OXCT1: variants seen among roughly 807,000 people sequenced by gnomAD.
OXCT1 encodes succinyl-CoA:3-ketoacid coenzyme A transferase 1, mitochondrial.
In OXCT1, 27 loss-of-function variants were observed where a neutral mutation model predicts 69.6. That is an observed-to-expected ratio of 0.39 (90% CI 0.29 to 0.54). The LOEUF is 0.54. Among genes scored for constraint, OXCT1 ranks in the 20% least tolerant of loss-of-function variants. The pLI is 0.72. For missense variants in OXCT1, 437 were observed against 650.2 expected, an observed-to-expected ratio of 0.67 and a Z score of 3.57; for synonymous variants, 202 against 217.8, an observed-to-expected ratio of 0.93 and a Z score of 0.64.
intron 7 of OXCT1, among the ~76,000 whole-genome samples, chr5:41,810,556 T>C (rs1746925459): frequency 6.6e-6 from 1 of 152,076 alleles, no homozygotes; most frequent in Non-Finnish European, 1.5e-5. Context: ...TACTTGTCTT[T>C]AGTCATTAAC....
chr5:41,806,665 T>C (rs1746695676), intron 8 of OXCT1, among the ~76,000 whole-genome samples: 1 of 152,072 alleles, frequency 6.6e-6, no homozygotes, highest in African/African-American at 2.4e-5. Flanking sequence ...TTCCTTCTGC[T>C]CTGAGTAAAA....
rs73752224 is a variant in OXCT1 at position 41,778,039 on chromosome 5, A to G, written c.1249-15839T>C. ...TATGCCAAACAGATAGTGAATGGCTAAAACATGTACTTGAGTCAAAGCTTA... is the reference window on the plus strand; with the variant it reads ...TATGCCAAACAGATAGTGAATGGCTGAAACATGTACTTGAGTCAAAGCTTA... On this transcript the variant is annotated intron_variant, in intron 13 of 16. Coordinates refer to ENST00000196371, the MANE Select transcript of OXCT1 (RefSeq NM_000436.4). 7.7e-3 allele frequency among the ~76,000 whole-genome samples: 1,176 copies of G among 152,340 alleles called. 11 individuals are homozygous for G. Among genetic ancestry groups the G allele is most frequent in the African/African-American group, 0.027 (1,118 of 41,572 alleles).
At chr5:41,864,998 T>C (rs569150431) in intron 1 of OXCT1, among the ~76,000 whole-genome samples, 3 of 152,150 alleles carry the variant, frequency 2.0e-5, no homozygotes, top group African/African-American at 7.2e-5. Flanking sequence ...AAATCCCACA[T>C]AGAGAGGAAG....
intron 13 of OXCT1, among the ~76,000 whole-genome samples, chr5:41,768,003 T>C (rs995524808): frequency 1.3e-5 from 2 of 152,052 alleles, no homozygotes; most frequent in Admixed American, 6.6e-5. Context: ...TTTCATCATA[T>C]GAACTGCCCC....
In OXCT1 at chr5:41,870,078, C is replaced by T; in HGVS notation, c.78+203G>A. 1.6e-6 allele frequency: 1 copy of T among 626,866 alleles called. No homozygotes were observed. The allele number at this position is 626,866 out of a possible 1,614,324, so 38.8% of individuals were successfully genotyped here. A position where few individuals can be genotyped will look rare whatever the true frequency, so the allele number is the denominator to read the frequency against. On this transcript the variant is annotated intron_variant, in intron 1 of 16. Coordinates refer to ENST00000196371, the MANE Select transcript of OXCT1 (RefSeq NM_000436.4). This position sits in a 1 kb window ranked among gnomAD's most constrained non-coding sequence, Gnocchi z 4.2. ...TCTCGCTCCATCAGGGAAGCGACTGCAGAACCAAGCAAAGGCGGTCATCCG... is the reference window on the plus strand; with the variant it reads ...TCTCGCTCCATCAGGGAAGCGACTGTAGAACCAAGCAAAGGCGGTCATCCG...
intron 11 of OXCT1, among the ~76,000 whole-genome samples, chr5:41,796,765 G>C (rs1446869494): frequency 6.6e-6 from 1 of 152,176 alleles, no homozygotes; most frequent in Non-Finnish European, 1.5e-5. Context: ...GTAAGACGTA[G>C]TGGATTAAAT....
chr5:41,805,526 A>C, intron 9 of OXCT1, 41 bp downstream of exon 9: 1 of 1,348,220 alleles, frequency 7.4e-7, no homozygotes, highest in Non-Finnish European at 1.1e-6. Flanking sequence ...GGGAAAAGCA[A>C]AGGCTATGTC....
chr5:41,737,125 G>T (rs981858159), intron 16 of OXCT1, among the ~76,000 whole-genome samples: 1 of 152,146 alleles, frequency 6.6e-6, no homozygotes, highest in African/African-American at 2.4e-5. Context: ...GCCATTGATC[G>T]TCAGATGCTC....
intron 13 of OXCT1, among the ~76,000 whole-genome samples, chr5:41,777,601 T>C (rs940572801): frequency 2.6e-5 from 4 of 152,202 alleles, no homozygotes; most frequent in African/African-American, 9.7e-5. Flanking sequence ...TCTTTCTTAT[T>C]GTTCCTAATC....
chr5:41,742,814 T>A (rs1331071802), intron 15 of OXCT1, among the ~76,000 whole-genome samples: 2 of 152,228 alleles, frequency 1.3e-5, no homozygotes, highest in Admixed American at 1.3e-4. Flanking sequence ...GAACTCATCC[T>A]TTTTTATGGC....
At position 41,731,730 on chromosome 5, in the gene OXCT1, C is replaced by A; in HGVS notation, c.1562G>T (p.Ter521LeuextTer20). The A allele has an allele frequency of 6.2e-7, 1 of 1,607,776 alleles. No individual in the cohort carries two copies. Among genetic ancestry groups the A allele is most frequent in the South Asian group, 1.1e-5 (1 of 89,758 alleles). Reference sequence around the variant, plus strand: ...CAGCCTGGTACAAATATCCATATTTCAATTTGCGATCTGCTGCATTGGCAT... The same window carrying A: ...CAGCCTGGTACAAATATCCATATTTAAATTTGCGATCTGCTGCATTGGCAT... ...KLMPMQQIAN[*>L] The change falls in exon 17 of 17, where the codon TGA becomes TTA. Residue 521 changes from the stop codon to leucine, a stop_lost. Coordinates refer to ENST00000196371, the MANE Select transcript of OXCT1 (RefSeq NM_000436.4).
rs866402382 is a variant in OXCT1, at chr5:41,847,503, T to C, written c.564+2527A>G. Among the ~76,000 whole-genome samples, 1,185 of 152,034 alleles carry C rather than the reference T, an allele frequency of 7.8e-3. 26 individuals are homozygous for C. The highest frequency in any genetic ancestry group is 0.027 in the African/African-American group (1,107 of 41,454). On this transcript the variant is annotated intron_variant, in intron 5 of 16. Transcript: ENST00000196371. ...AAAAGAGAATTTTAGACCAATATCCTTGATGAACATTGATGCAAAAATCCT... is the reference window on the plus strand; with the variant it reads ...AAAAGAGAATTTTAGACCAATATCCCTGATGAACATTGATGCAAAAATCCT...
chr5:41,753,569 G>C (rs924883122), intron 14 of OXCT1, among the ~76,000 whole-genome samples: 1 of 152,014 alleles, frequency 6.6e-6, no homozygotes, highest in African/African-American at 2.4e-5. Flanking sequence ...ATCTTCCCTA[G>C]GAAAACCTTC....
At chr5:41,858,683 T>C (rs1014162922) in intron 3 of OXCT1, among the ~76,000 whole-genome samples, 1 of 152,254 alleles carries the variant, frequency 6.6e-6, no homozygotes, top group African/African-American at 2.4e-5. Flanking sequence ...ATCTGAAATT[T>C]AATTTGCTGA....
intron 7 of OXCT1, among the ~76,000 whole-genome samples, chr5:41,820,356 A>T (rs78070099): frequency 0.023 from 3,508 of 152,268 alleles, 133 homozygotes; most frequent in African/African-American, 0.08. Context: ...ATGATTTCGC[A>T]ATACTTTCCA....
At chr5:41,814,654 T>A (rs1747144538) in intron 7 of OXCT1, among the ~76,000 whole-genome samples, 1 of 141,560 alleles carries the variant, frequency 7.1e-6, no homozygotes, top group South Asian at 2.2e-4. Context: ...ATATTCTCAC[T>A]CATAGGTGGG....
chr5:41,832,333 CAGAG>C lies in OXCT1; in HGVS notation c.732+8114_732+8117del, dbSNP rs148562121. 4.3e-3 allele frequency among the ~76,000 whole-genome samples: 632 copies of C among 146,834 alleles called. 3 individuals are homozygous for C. The highest frequency in any genetic ancestry group is 7.4e-3 in the African/African-American group (296 of 39,812). ...ACCCCCAGTTCCAGGCGGTTCAGCA[CAGAG>C]AGAGAGAGAGAGAGAGAGAGAGAGA... On this transcript the variant is annotated intron_variant, in intron 7 of 16. Coordinates refer to ENST00000196371, the MANE Select transcript of OXCT1 (RefSeq NM_000436.4).
rs374801709 is a variant in OXCT1, at chr5:41,838,780, C to T, written c.732+1671G>A. On this transcript the variant is annotated intron_variant, in intron 7 of 16. Coordinates refer to ENST00000196371, the MANE Select transcript of OXCT1 (RefSeq NM_000436.4). ...GCTGGGACTTAGGCACATGCCACCACGTCTGGCTAATTTTTTGTAGACACA... is the reference window on the plus strand; with the variant it reads ...GCTGGGACTTAGGCACATGCCACCATGTCTGGCTAATTTTTTGTAGACACA... 2.0e-4 allele frequency among the ~76,000 whole-genome samples: 31 copies of T among 152,202 alleles called. No individual in the cohort carries two copies. In the East Asian group the frequency reaches 5.6e-3, roughly 28 times the overall value.
intron 5 of OXCT1, among the ~76,000 whole-genome samples, chr5:41,848,298 G>T (rs1020609079): frequency 2.0e-5 from 3 of 150,288 alleles, no homozygotes; most frequent in Admixed American, 6.6e-5. Flanking sequence ...CAAACAAATG[G>T]AAGAATATTC....
Sources: allele counts gnomAD v4.1 joint callset (sites outside exome capture counted in the v4.1 genomes callset), GRCh38; gene constraint gnomAD v4.1.1; non-coding constraint Gnocchi (gnomAD v3.1); transcripts MANE v1.5; gene names NCBI Gene and HGNC (gene_info 2026-07-23, HGNC 2026-07-21).